GALNTL6: variants seen among roughly 807,000 people sequenced by gnomAD.
GALNTL6 encodes the protein polypeptide N-acetylgalactosaminyltransferase-like 6.
In GALNTL6, 46 loss-of-function variants were observed where a neutral mutation model predicts 73.7. The ratio of observed to expected loss-of-function variants is 0.62; its 90% CI spans 0.49 to 0.80. The LOEUF is 0.80. Among genes scored for constraint, GALNTL6 ranks in the 30% least tolerant of loss-of-function variants. GALNTL6 has a pLI of 0.00. For synonymous variants in GALNTL6, 259 were observed against 263.7 expected (o/e 0.98, Z 0.17); for missense variants, 604 against 755.0 (o/e 0.80, Z 2.34).
At chr4:172,192,814 A>G (rs902033942) in intron 2 of GALNTL6, among the ~76,000 whole-genome samples, 2 of 151,932 alleles carry the variant, frequency 1.3e-5, no homozygotes, top group African/African-American at 2.4e-5. Context: ...AGTTGGGGGG[A>G]AGGGGTGCCT....
At chr4:172,432,974 TATA>T (rs1368756558) in intron 5 of GALNTL6, among the ~76,000 whole-genome samples, 1 of 152,182 alleles carries the variant, frequency 6.6e-6, no homozygotes, top group Non-Finnish European at 1.5e-5. Context: ...ACAAAGACAG[TATA>T]ATGACAATAG....
intron 2 of GALNTL6, among the ~76,000 whole-genome samples, chr4:172,030,754 A>ACCG (rs2110819621): frequency 6.6e-6 from 1 of 151,486 alleles, no homozygotes; most frequent in African/African-American, 2.4e-5. Flanking sequence ...ATTTTATTTT[A>ACCG]TATATTATAT....
chr4:173,022,177 G>A (rs866621003), intron 12 of GALNTL6, among the ~76,000 whole-genome samples: 28 of 107,274 alleles, frequency 2.6e-4, no homozygotes, highest in African/African-American at 1.0e-3. Context: ...GGAAGGGAGA[G>A]AGGGAGGGAG....
At chr4:171,911,506 C>T (rs1737476484) in intron 2 of GALNTL6, among the ~76,000 whole-genome samples, 1 of 152,162 alleles carries the variant, frequency 6.6e-6, no homozygotes, top group South Asian at 2.1e-4. Flanking sequence ...CAGTCCTCAT[C>T]CTGAAGAAAT....
At chr4:172,146,444 G>C (rs1218712037) in intron 2 of GALNTL6, among the ~76,000 whole-genome samples, 3 of 152,170 alleles carry the variant, frequency 2.0e-5, no homozygotes, top group Non-Finnish European at 4.4e-5. Context: ...CACTCTGGTT[G>C]CCTCTGTATT....
intron 2 of GALNTL6, among the ~76,000 whole-genome samples, chr4:172,052,114 G>A (rs556829844): frequency 1.3e-5 from 2 of 152,240 alleles, no homozygotes; most frequent in East Asian, 3.9e-4. Flanking sequence ...ACCTATGACT[G>A]CTGAGATATT....
intron 2 of GALNTL6, among the ~76,000 whole-genome samples, chr4:171,964,113 T>C (rs1159311912): frequency 6.6e-6 from 1 of 152,164 alleles, no homozygotes; most frequent in Non-Finnish European, 1.5e-5. Flanking sequence ...CCAGTGGAAA[T>C]TTTGGCTCTG....
intron 5 of GALNTL6, among the ~76,000 whole-genome samples, chr4:172,430,677 C>T (rs1579065119): frequency 6.6e-6 from 1 of 152,022 alleles, no homozygotes; most frequent in Non-Finnish European, 1.5e-5. Flanking sequence ...TGGTGGTACA[C>T]TCCTATAGTA....
intron 2 of GALNTL6, among the ~76,000 whole-genome samples, chr4:171,844,918 A>G (rs1735332367): frequency 6.6e-6 from 1 of 152,140 alleles, no homozygotes; most frequent in Admixed American, 6.6e-5. Flanking sequence ...GCTCCATTTC[A>G]AACAATCAGC....
chr4:171,834,764 G>A (rs1735057631), intron 2 of GALNTL6, among the ~76,000 whole-genome samples: 1 of 151,860 alleles, frequency 6.6e-6, no homozygotes, highest in Non-Finnish European at 1.5e-5. Flanking sequence ...AGGCAAGAGG[G>A]GTAAAGGACG....
chr4:172,056,408 T>C (rs1177594796), intron 2 of GALNTL6, among the ~76,000 whole-genome samples: 1 of 152,158 alleles, frequency 6.6e-6, no homozygotes, highest in East Asian at 1.9e-4. Context: ...AACATTCTTT[T>C]TTGCTGCTAC....
At chr4:172,803,620 C>A (rs1318238662) in intron 5 of GALNTL6, among the ~76,000 whole-genome samples, 1 of 152,182 alleles carries the variant, frequency 6.6e-6, no homozygotes, top group African/African-American at 2.4e-5. Flanking sequence ...GTGATCATCA[C>A]TCTTTGTGTG....
chr4:172,039,674 A>G (rs1742030929), intron 2 of GALNTL6, among the ~76,000 whole-genome samples: 1 of 152,186 alleles, frequency 6.6e-6, no homozygotes, highest in Non-Finnish European at 1.5e-5. Flanking sequence ...CTCCCAGTCA[A>G]AAGTGCAGAA....
At chr4:171,880,560 G>A (rs1736419155) in intron 2 of GALNTL6, among the ~76,000 whole-genome samples, 1 of 152,192 alleles carries the variant, frequency 6.6e-6, no homozygotes, top group South Asian at 2.1e-4. Flanking sequence ...AACATTGTGT[G>A]TTCAAATCCA....
chr4:172,225,709 T>C (rs918385305), intron 2 of GALNTL6, among the ~76,000 whole-genome samples: 3 of 151,994 alleles, frequency 2.0e-5, no homozygotes, highest in African/African-American at 7.3e-5. Context: ...TGAGCCAAGA[T>C]TGCCCCACTG....
chr4:172,415,801 G>C (rs1216742976), intron 5 of GALNTL6, among the ~76,000 whole-genome samples: 1 of 152,098 alleles, frequency 6.6e-6, no homozygotes, highest in Non-Finnish European at 1.5e-5. Context: ...TACGTGACCG[G>C]GGGCTGCCTG....
At chr4:172,930,162 C>T (rs1226243505) in intron 8 of GALNTL6, among the ~76,000 whole-genome samples, 1 of 152,096 alleles carries the variant, frequency 6.6e-6, no homozygotes, top group Non-Finnish European at 1.5e-5. Flanking sequence ...CCTATAATCT[C>T]AGCCACTTGG....
intron 5 of GALNTL6, among the ~76,000 whole-genome samples, chr4:172,473,907 T>C (rs539881527): frequency 6.6e-6 from 1 of 152,330 alleles, no homozygotes; most frequent in Admixed American, 6.5e-5. Context: ...TTCAACACAG[T>C]AGCCAGAGTG....
intron 2 of GALNTL6, among the ~76,000 whole-genome samples, chr4:171,901,505 TC>T (rs1431242541): frequency 6.6e-6 from 1 of 152,062 alleles, no homozygotes; most frequent in Non-Finnish European, 1.5e-5. Context: ...TCTTTCCTCC[TC>T]CCCCACTCCC....
Sources: allele counts gnomAD v4.1 joint callset (sites outside exome capture counted in the v4.1 genomes callset), GRCh38; gene constraint gnomAD v4.1.1; transcripts MANE v1.5; gene names NCBI Gene and HGNC (gene_info 2026-07-23, HGNC 2026-07-21).